EPHB6: variants seen among roughly 807,000 people sequenced by gnomAD.
EPHB6 encodes the protein EPH receptor B6, also known as ephrin type-B receptor 6.
EPHB6 carries 51 observed loss-of-function variants against 107.0 expected under a neutral mutation model. The observed-to-expected ratio is 0.48, with a 90% confidence interval of 0.38 to 0.60. The LOEUF is 0.60. EPHB6 is among the 20% of genes least tolerant of loss of function. The pLI is 0.00. For synonymous variants in EPHB6, 553 were observed against 549.0 expected (o/e 1.01, Z -0.10); for missense variants, 1,141 against 1,355.5 (o/e 0.84, Z 2.48).
In EPHB6 at chr7:142,855,480, T is replaced by G. The variant is rs8177102; in HGVS notation, c.-432+95T>G. The G allele has an allele frequency of 6.6e-5, 10 of 152,318 alleles. No homozygotes were observed. The highest frequency in any genetic ancestry group is 2.4e-4 in the African/African-American group (10 of 41,470). 9.4% of individuals were successfully genotyped at this position (152,318 alleles called of 1,614,324 possible). Reference sequence around the variant, plus strand: ...AGGTTTGCAAGAGTAGTGGGGCTCCTCAGCCCCTAGGTGGCTTCCTGAGGG... The same window carrying G: ...AGGTTTGCAAGAGTAGTGGGGCTCCGCAGCCCCTAGGTGGCTTCCTGAGGG... On this transcript the variant is annotated intron_variant, in intron 1 of 19. Coordinates refer to ENST00000652003, the MANE Select transcript of EPHB6 (RefSeq NM_004445.6). This position sits in a 1 kb window ranked among gnomAD's most constrained non-coding sequence, Gnocchi z 4.2.
chr7:142,864,782 A>G, intron 7 of EPHB6, 33 bp downstream of exon 7: 2 of 1,610,706 alleles, frequency 1.2e-6, no homozygotes, highest in Non-Finnish European at 1.7e-6. Context: ...CTTGCCCGAC[A>G]CCTCCCACCC....
Position 142,863,190 on chromosome 7 carries a change from G to C in EPHB6, c.-38G>C. The C allele has an allele frequency of 6.3e-7, 1 of 1,582,248 alleles. No homozygotes were observed. Among genetic ancestry groups the C allele is most frequent in the African/African-American group, 1.3e-5 (1 of 74,352 alleles). ...CTGCAGCCCCACCCAGGAGCAGGGT[G>C]GTGGCTGGGGCGATGGTGGACGCCC... On this transcript the variant is annotated 5_prime_UTR_variant, in exon 5 of 20. Coordinates refer to ENST00000652003, the MANE Select transcript of EPHB6 (RefSeq NM_004445.6).
At chr7:142,870,005 A>C in intron 17 of EPHB6, 39 bp downstream of exon 17, 1 of 1,613,890 alleles carries the variant, frequency 6.2e-7, no homozygotes, top group East Asian at 2.2e-5. Context: ...TCCCACCCCG[A>C]TCCCTCCCAG....
rs1794775575 is a variant in EPHB6 at position 142,869,201 on chromosome 7, G to C, written c.2460+54G>C. On this transcript the variant is annotated intron_variant, in intron 16 of 19. Transcript: ENST00000652003. This position sits in a 1 kb window ranked among gnomAD's most constrained non-coding sequence, Gnocchi z 4.5. Reference sequence around the variant, plus strand: ...TGGGGCCTTGTGGCATGCCCCAGCAGGTGCTGGGGTCGGGGGTGAGCTGGA... The same window carrying C: ...TGGGGCCTTGTGGCATGCCCCAGCACGTGCTGGGGTCGGGGGTGAGCTGGA... 2 of 1,586,774 alleles carry C rather than the reference G, an allele frequency of 1.3e-6. No individual in the cohort carries two copies. Among genetic ancestry groups the C allele is most frequent in the Admixed American group, 1.7e-5 (1 of 59,786 alleles).
intron 6 of EPHB6, 120 bp downstream of exon 6, chr7:142,863,815 T>C: frequency 6.7e-7 from 1 of 1,483,272 alleles, no homozygotes; most frequent in African/African-American, 1.4e-5. Context: ...TCCCTCCCTC[T>C]AGAGCACCAA....
rs1255495020 is a variant in EPHB6 at position 142,858,526 on chromosome 7, C to T, written c.-431-2526C>T. Among the ~76,000 whole-genome samples, 4 of 148,834 alleles carry T rather than the reference C, an allele frequency of 2.7e-5. No homozygotes were observed. The South Asian group carries it at 6.4e-4, about 24-fold the overall frequency. Reference sequence around the variant, plus strand: ...TCTCGGCTCACTGCAAGCTCTGCCTCCCGGGTTCACGCCATTCTCCTGCCT... The same window carrying T: ...TCTCGGCTCACTGCAAGCTCTGCCTTCCGGGTTCACGCCATTCTCCTGCCT... On this transcript the variant is annotated intron_variant, in intron 1 of 19. Coordinates refer to ENST00000652003, the MANE Select transcript of EPHB6 (RefSeq NM_004445.6).
At position 142,868,151 on chromosome 7, in the gene EPHB6, C is replaced by T. The variant is rs1183425453; in HGVS notation, c.1919-90C>T. 1 of 1,613,762 alleles carries T rather than the reference C, an allele frequency of 6.2e-7. No individual in the cohort carries two copies. Among genetic ancestry groups the T allele is most frequent in the African/African-American group, 1.3e-5 (1 of 74,894 alleles). ...CCAAGATTGGGGGAGCTCCTTGGCA[C>T]AACCTTCTGGAGGTAAGTGGGCATG... On this transcript the variant is annotated intron_variant, in intron 13 of 19. Transcript: ENST00000652003. The surrounding 1 kb of genome is among the most constrained non-coding windows in gnomAD (Gnocchi z 4.2).
chr7:142,865,929 C>T, intron 8 of EPHB6, 31 bp from the exon 9 acceptor site: 2 of 1,608,674 alleles, frequency 1.2e-6, no homozygotes, highest in Non-Finnish European at 1.7e-6. Context: ...CCCTCTTGGC[C>T]CTTGGACTGC....
Position 142,870,965 on chromosome 7 carries a change from G to C in EPHB6, c.*61G>C. 1 of 1,515,386 alleles carries C rather than the reference G, an allele frequency of 6.6e-7. No homozygotes were observed. The highest frequency in any genetic ancestry group is 9.0e-7 in the Non-Finnish European group (1 of 1,115,768). 93.9% of individuals were successfully genotyped at this position (1,515,386 alleles called of 1,614,324 possible). A position where few individuals can be genotyped will look rare whatever the true frequency, so the allele number is the denominator to read the frequency against. ...GTCCGAGAAGGGACATGTGGGACGTGAGCCGGGCTCCAACAGCCTCTGTGA... is the reference window on the plus strand; with the variant it reads ...GTCCGAGAAGGGACATGTGGGACGTCAGCCGGGCTCCAACAGCCTCTGTGA... On this transcript the variant is annotated 3_prime_UTR_variant, in exon 20 of 20. Coordinates refer to ENST00000652003, the MANE Select transcript of EPHB6 (RefSeq NM_004445.6).
chr7:142,862,857 T>A, intron 4 of EPHB6, 24 bp downstream of exon 4: 1 of 226,194 alleles, frequency 4.4e-6, no homozygotes, highest in Non-Finnish European at 8.7e-6. Flanking sequence ...AGAAACACCC[T>A]CTGCCCCACT....
Position 142,864,316 on chromosome 7 carries a change from CTCCTCT to C in EPHB6, c.519_524del (p.Ser176_Ser177del), listed in dbSNP as rs757433149. The C allele has an allele frequency of 1.9e-6, 3 of 1,612,992 alleles. No individual in the cohort carries two copies. Among genetic ancestry groups the C allele is most frequent in the East Asian group, 2.2e-5 (1 of 44,876 alleles). Reference sequence around the variant, plus strand: ...TTCCCTCCTCCTCCTCCTCCTCCTCCTCCTCTTCTTCCTCTGCAGCGTGGGCTGTGG... The same window carrying C: ...TTCCCTCCTCCTCCTCCTCCTCCTCCTCTTCCTCTGCAGCGTGGGCTGTGG... On this transcript the variant is annotated inframe_deletion, in exon 7 of 20. Coordinates refer to ENST00000652003, the MANE Select transcript of EPHB6 (RefSeq NM_004445.6).
rs778658181 is a variant in EPHB6 at position 142,867,722 on chromosome 7, G to A, written c.1865G>A (p.Arg622Gln). ...AITVLAVVFQ[R>Q]KRRGTGYTEQ... The stretch of plus-strand genomic sequence containing the variant: ...ACCGTGCTGGCGGTCGTCTTCCAGC[G>A]GTGAGTCCCCACCCCTGCCCAACTC... Residue 622 changes from arginine (R) to glutamine (Q), a missense_variant and splice_region_variant, in exon 12 of 20, where the codon CGG becomes CAG. By Grantham distance (43) the Arg-to-Gln change is conservative (BLOSUM62 1). Around this residue, in one of 3 missense-constraint regions of EPHB6, gnomAD observed 616 missense variants for 759.3 expected, o/e 0.81. Transcript: ENST00000652003. The surrounding 1 kb of genome is among the most constrained non-coding windows in gnomAD (Gnocchi z 5.3). 1.4e-5 allele frequency: 23 copies of A among 1,608,696 alleles called. No individual in the cohort carries two copies. Among genetic ancestry groups the A allele is most frequent in the Non-Finnish European group, 1.8e-5 (21 of 1,178,476 alleles).
In EPHB6 at chr7:142,869,833, T is replaced by C; in HGVS notation, c.2477T>C (p.Leu826Pro). ...ACCCCTCAGGGCCCAAGTTGTTTGC[T>C]TCGCTGGGCAGCCCCAGAGGTCATT... is the stretch of plus-strand genomic sequence containing the variant. ...GHSPQGPSCLLRWAAPEVIAH... is the reference protein window; with the variant it reads ...GHSPQGPSCLPRWAAPEVIAH... Residue 826 changes from leucine (L) to proline (P), a missense_variant, in exon 17 of 20, where the codon CTT (leucine) becomes CCT (proline). By Grantham distance (98) the Leu-to-Pro change is moderately conservative (BLOSUM62 -3). Around this residue, in one of 3 missense-constraint regions of EPHB6, gnomAD observed 616 missense variants for 759.3 expected, o/e 0.81. Transcript: ENST00000652003. The surrounding 1 kb of genome is among the most constrained non-coding windows in gnomAD (Gnocchi z 4.5). 1 of 1,614,212 alleles carries C rather than the reference T, an allele frequency of 6.2e-7. No individual in the cohort carries two copies. Among genetic ancestry groups the C allele is most frequent in the Non-Finnish European group, 8.5e-7 (1 of 1,180,030 alleles).
At chr7:142,864,784 C>G (rs2116429837) in intron 7 of EPHB6, 35 bp downstream of exon 7, 1 of 1,611,074 alleles carries the variant, frequency 6.2e-7, no homozygotes, top group South Asian at 1.1e-5. Flanking sequence ...TGCCCGACAC[C>G]TCCCACCCAC....
At position 142,869,745 on chromosome 7, in the gene EPHB6, C is replaced by A; in HGVS notation, c.2461-72C>A. 1 of 1,553,582 alleles carries A rather than the reference C, an allele frequency of 6.4e-7. No individual in the cohort carries two copies. The highest frequency in any genetic ancestry group is 8.8e-7 in the Non-Finnish European group (1 of 1,133,148). ...ATGTAAAACCCTTGGCATATCTGAG[C>A]ACATAGTAGTTGCTCAATAAACGTG... On this transcript the variant is annotated intron_variant, in intron 16 of 19. Transcript: ENST00000652003. The surrounding 1 kb of genome is among the most constrained non-coding windows in gnomAD (Gnocchi z 4.5).
At position 142,863,778 on chromosome 7, in the gene EPHB6, C is replaced by T. The variant is rs377247732; in HGVS notation, c.165+83C>T. Reference sequence around the variant, plus strand: ...TGGAGAGTGGAATTCATGAAGGAAACCCTGGGTGAGGATTATGGGAAAAGG... The same window carrying T: ...TGGAGAGTGGAATTCATGAAGGAAATCCTGGGTGAGGATTATGGGAAAAGG... On this transcript the variant is annotated intron_variant, in intron 6 of 19. Transcript: ENST00000652003. 2,099 of 1,535,940 alleles carry T rather than the reference C, an allele frequency of 1.4e-3. 35 individuals carry two copies. In the South Asian group the frequency reaches 0.022, roughly 16 times the overall value.
Position 142,867,564 on chromosome 7 carries a change from T to G in EPHB6, c.1751-44T>G. 1.9e-5 allele frequency: 29 copies of G among 1,545,654 alleles called. No homozygotes were observed. Among genetic ancestry groups the G allele is most frequent in the Non-Finnish European group, 2.3e-5 (26 of 1,129,742 alleles). On this transcript the variant is annotated intron_variant, in intron 11 of 19. Coordinates refer to ENST00000652003, the MANE Select transcript of EPHB6 (RefSeq NM_004445.6). This position sits in a 1 kb window ranked among gnomAD's most constrained non-coding sequence, Gnocchi z 5.3. ...GCCTGGGCACATGAACAAGCACCTG[T>G]GAGAGACCTGGCCCACCTGTGACCC...
Position 142,870,395 on chromosome 7 carries a change from A to G in EPHB6, c.2792A>G (p.Asp931Gly), listed in dbSNP as rs746380812. 2.6e-5 allele frequency: 42 copies of G among 1,613,952 alleles called. No individual in the cohort carries two copies. The South Asian group carries it at 3.2e-4, about 12-fold the overall frequency. Residue 931 changes from aspartate (D) to glycine (G), a missense_variant, in exon 18 of 20, where the codon GAC becomes GGC. Physicochemically the swap from Asp to Gly is moderately conservative, Grantham distance 94 (BLOSUM62 -1). Coordinates refer to ENST00000652003, the MANE Select transcript of EPHB6 (RefSeq NM_004445.6). ...RKPDTLQAGG[D>G]PGERPSQALL... ...CCAGATACCCTGCAGGCTGGCGGGG[A>G]CCCAGGGGAAAGGTCTGGAGCTTGG...
chr7:142,868,781 G>C lies in EPHB6; in HGVS notation c.2286+42G>C. The C allele has an allele frequency of 1.2e-6, 2 of 1,613,520 alleles. No individual in the cohort carries two copies. Among genetic ancestry groups the C allele is most frequent in the South Asian group, 2.2e-5 (2 of 91,070 alleles). On this transcript the variant is annotated intron_variant, in intron 15 of 19. Coordinates refer to ENST00000652003, the MANE Select transcript of EPHB6 (RefSeq NM_004445.6). This position sits in a 1 kb window ranked among gnomAD's most constrained non-coding sequence, Gnocchi z 4.2. ...TGAAGGAGGAGGGTCCTTGGGTCCA[G>C]GAAAGCTTCCAGGAGACGAGGTCCT...
Sources: allele counts gnomAD v4.1 joint callset (sites outside exome capture counted in the v4.1 genomes callset), GRCh38; gene constraint gnomAD v4.1.1; regional missense constraint gnomAD v4.1.1; non-coding constraint Gnocchi (gnomAD v3.1); transcripts MANE v1.5; gene names NCBI Gene and HGNC (gene_info 2026-07-23, HGNC 2026-07-21).